Variants in SPATA31F3 observed in about 807,000 individuals in gnomAD.
SPATA31F3 encodes the protein SPATA31 subfamily F member 3.
At chr9:34,894,644 C>T in the SPATA31F3 span, 47 of 396,786 alleles carry the variant, frequency 1.2e-4, no homozygotes, top group East Asian at 1.4e-3. Context: ...ATAACTTAAC[C>T]GTTTACGATG....
chr9:34,892,240 A>G, the SPATA31F3 span, among the ~76,000 whole-genome samples: 2 of 152,066 alleles, frequency 1.3e-5, no homozygotes, highest in Non-Finnish European at 2.9e-5. Flanking sequence ...GTTCACAGTA[A>G]TTTTTCTGCT....
the SPATA31F3 span, among the ~76,000 whole-genome samples, chr9:34,891,929 A>G: frequency 6.6e-6 from 1 of 152,170 alleles, no homozygotes; most frequent in Non-Finnish European, 1.5e-5. Flanking sequence ...GGATTTGTCA[A>G]TGGTCAGATG....
At chr9:34,891,409 C>T in the SPATA31F3 span, among the ~76,000 whole-genome samples, 1 of 152,204 alleles carries the variant, frequency 6.6e-6, no homozygotes, top group African/African-American at 2.4e-5. Flanking sequence ...GGCTCTGCAA[C>T]ATTACCTTGG....
chr9:34,893,610 A>C, the SPATA31F3 span, among the ~76,000 whole-genome samples: 7 of 151,968 alleles, frequency 4.6e-5, no homozygotes, highest in Admixed American at 2.6e-4. Flanking sequence ...TCAAAAAAAA[A>C]AAAGAAAAAA....
the SPATA31F3 span, chr9:34,889,706 G>A: frequency 2.5e-6 from 1 of 398,032 alleles, no homozygotes; most frequent in Non-Finnish European, 4.4e-6. Context: ...CCTAGAAAGT[G>A]TGGCCCTGCA....
the SPATA31F3 span, among the ~76,000 whole-genome samples, chr9:34,891,433 T>C: frequency 5.9e-5 from 9 of 152,182 alleles, no homozygotes; most frequent in Non-Finnish European, 1.3e-4. Flanking sequence ...GAGGAAACAA[T>C]TGCGGACTGG....
At chr9:34,892,051 A>G in the SPATA31F3 span, among the ~76,000 whole-genome samples, 3 of 152,222 alleles carry the variant, frequency 2.0e-5, no homozygotes, top group Admixed American at 2.0e-4. Flanking sequence ...GGAGATTTCT[A>G]AAGTCAGACC....
chr9:34,893,904 T>G, the SPATA31F3 span, among the ~76,000 whole-genome samples: 1 of 152,226 alleles, frequency 6.6e-6, no homozygotes. Context: ...CTCTGCATTC[T>G]GAGAGCTATT....
At chr9:34,895,196 A>G in the SPATA31F3 span, 1 of 397,402 alleles carries the variant, frequency 2.5e-6, no homozygotes, top group Non-Finnish European at 4.4e-6. Context: ...CCAATTTTAT[A>G]TACTCTTCTA....
chr9:34,893,223 G>C, the SPATA31F3 span: 53 of 457,528 alleles, frequency 1.2e-4, no homozygotes, highest in East Asian at 1.6e-3. Context: ...GTGGGCCGGG[G>C]TTGGCATTGT....
the SPATA31F3 span, chr9:34,892,609 G>A: frequency 2.3e-6 from 1 of 443,748 alleles, no homozygotes. Flanking sequence ...AGGTTTGGGA[G>A]CTCTGGGTTC....
chr9:34,892,367 T>TAGC, the SPATA31F3 span, among the ~76,000 whole-genome samples: 14 of 152,322 alleles, frequency 9.2e-5, no homozygotes, highest in South Asian at 2.7e-3. Flanking sequence ...GCCTTAGAGA[T>TAGC]AGCATTCAGA....
chr9:34,894,591 A>G, the SPATA31F3 span: 1 of 398,204 alleles, frequency 2.5e-6, no homozygotes, highest in Admixed American at 4.4e-5. Flanking sequence ...TAATGAGAAG[A>G]TACTGAAAAC....
chr9:34,892,821 G>A, the SPATA31F3 span: 2 of 678,622 alleles, frequency 2.9e-6, no homozygotes, highest in Non-Finnish European at 5.4e-6. Flanking sequence ...CAGGAATCTT[G>A]GACGCTGTCT....
the SPATA31F3 span, chr9:34,889,191 G>A: frequency 2.5e-6 from 1 of 398,470 alleles, no homozygotes; most frequent in African/African-American, 2.1e-5. Context: ...CCTTTTTCTT[G>A]TGATGGGTAT....
At chr9:34,893,226 G>A in the SPATA31F3 span, 6 of 453,244 alleles carry the variant, frequency 1.3e-5, no homozygotes, top group African/African-American at 5.9e-5. Flanking sequence ...GGCCGGGGTT[G>A]GCATTGTCCT....
chr9:34,889,754 C>A, the SPATA31F3 span: 1 of 397,338 alleles, frequency 2.5e-6, no homozygotes, highest in Non-Finnish European at 4.4e-6. Flanking sequence ...TAAAACATGG[C>A]CCTGAACTAT....
the SPATA31F3 span, among the ~76,000 whole-genome samples, chr9:34,890,604 G>A: frequency 1.3e-5 from 2 of 152,186 alleles, no homozygotes; most frequent in African/African-American, 4.8e-5. Context: ...GGGCCCATGG[G>A]ATGCCTGGTG....
the SPATA31F3 span, among the ~76,000 whole-genome samples, chr9:34,891,666 C>T: frequency 1.3e-5 from 2 of 152,228 alleles, no homozygotes; most frequent in African/African-American, 4.8e-5. Context: ...GGAATCCTAG[C>T]AGCCTCTGGG....
Sources: gnomAD v4.1 joint callset for allele counts (sites outside exome capture counted in the v4.1 genomes callset) on GRCh38, gnomAD v4.1.1 for gene constraint, MANE v1.5 for transcripts, NCBI Gene and HGNC (gene_info 2026-07-23, HGNC 2026-07-21) for gene names.